RNF157: variants seen among roughly 807,000 people sequenced by gnomAD.
The protein encoded by RNF157 is E3 ubiquitin ligase RNF157.
Under a neutral mutation model 88.3 loss-of-function variants are expected in RNF157, and 55 were observed. That is an observed-to-expected ratio of 0.62 (90% confidence interval 0.50 to 0.78). The LOEUF is 0.78. RNF157 is among the 30% of genes least tolerant of loss of function. The pLI, the probability that RNF157 is intolerant of heterozygous loss-of-function variation, is 0.00. For synonymous variants in RNF157, 334 were observed against 341.2 expected (o/e 0.98, Z 0.23); for missense variants, 788 against 860.8 (o/e 0.92, Z 1.06).
chr17:76,198,088 A>G (rs1185363378), intron 2 of RNF157, among the ~76,000 whole-genome samples: 1 of 152,166 alleles, frequency 6.6e-6, no homozygotes, highest in Non-Finnish European at 1.5e-5. Context: ...CCACCCAACC[A>G]TAATTAGGGC....
At chr17:76,182,567 A>T (rs932485682) in intron 2 of RNF157, among the ~76,000 whole-genome samples, 2 of 151,126 alleles carry the variant, frequency 1.3e-5, no homozygotes, top group Non-Finnish European at 2.9e-5. Context: ...TTTTTGCTGT[A>T]AAAAAATATG....
At chr17:76,204,919 G>C (rs1002883963) in intron 2 of RNF157, among the ~76,000 whole-genome samples, 21 of 151,572 alleles carry the variant, frequency 1.4e-4, no homozygotes, top group African/African-American at 4.6e-4. Flanking sequence ...TGAGTAGCTG[G>C]GATTACAAGC....
intron 3 of RNF157, among the ~76,000 whole-genome samples, chr17:76,171,147 C>T (rs922527331): frequency 2.0e-5 from 3 of 151,810 alleles, no homozygotes; most frequent in African/African-American, 7.3e-5. Flanking sequence ...CCGCCTTGGC[C>T]TCCCAAAGTG....
In RNF157 at chr17:76,240,105, C is replaced by T; in HGVS notation, c.88+48G>A. ...CAGGCCGTCCCGACCCAGACCCCTG[C>T]CCCTGCCCCTCTCCCTCCTCGCGGC... On this transcript the variant is annotated intron_variant, in intron 1 of 18. Transcript: ENST00000269391. This position sits in a 1 kb window ranked among gnomAD's most constrained non-coding sequence, Gnocchi z 4.4. 8.6e-7 allele frequency: 1 copy of T among 1,162,242 alleles called. No homozygotes were observed. Among genetic ancestry groups the T allele is most frequent in the Non-Finnish European group, 1.1e-6 (1 of 913,286 alleles). 72.0% of individuals were successfully genotyped at this position (1,162,242 alleles called of 1,614,324 possible).
intron 2 of RNF157, among the ~76,000 whole-genome samples, chr17:76,210,367 G>A (rs2069763821): frequency 6.6e-6 from 1 of 151,680 alleles, no homozygotes; most frequent in Non-Finnish European, 1.5e-5. Context: ...GCCAAGGTGG[G>A]CGGATCACGA....
intron 1 of RNF157, among the ~76,000 whole-genome samples, chr17:76,232,230 T>C (rs1350580546): frequency 3.3e-5 from 5 of 151,946 alleles, no homozygotes; most frequent in African/African-American, 1.2e-4. Flanking sequence ...AAAACATAAA[T>C]TTAAAAAATT....
chr17:76,166,960 C>CA, intron 5 of RNF157, 49 bp downstream of exon 5: 1 of 1,348,286 alleles, frequency 7.4e-7, no homozygotes, highest in East Asian at 2.3e-5. Flanking sequence ...TAAGTAGCCC[C>CA]TAGGCCCTTC....
intron 17 of RNF157, 144 bp downstream of exon 17, chr17:76,154,139 A>G (rs2068724618): frequency 4.3e-6 from 3 of 698,984 alleles, no homozygotes; most frequent in Non-Finnish European, 7.7e-6. Flanking sequence ...TTGATGTACC[A>G]TTAAGAAGAC....
intron 1 of RNF157, chr17:76,225,807 G>A: frequency 6.3e-7 from 1 of 1,579,682 alleles, no homozygotes; most frequent in South Asian, 1.2e-5. Flanking sequence ...AAATCTTTCA[G>A]GTACTGGATC....
At position 76,157,037 on chromosome 17, in the gene RNF157, G is replaced by A. The variant is rs570169339; in HGVS notation, c.1414-716C>T. Among the ~76,000 whole-genome samples, 12 of 151,844 alleles carry A rather than the reference G, an allele frequency of 7.9e-5. No individual in the cohort carries two copies. In the East Asian group the frequency reaches 2.3e-3, roughly 29 times the overall value. Reference sequence around the variant, plus strand: ...GCTGGAGTGCAGTGGTGCGGTCTTGGCTCACTGCAACCCCTGCCTCCTGGG... The same window carrying A: ...GCTGGAGTGCAGTGGTGCGGTCTTGACTCACTGCAACCCCTGCCTCCTGGG... On this transcript the variant is annotated intron_variant, in intron 13 of 18. Coordinates refer to ENST00000269391, the MANE Select transcript of RNF157 (RefSeq NM_052916.3). This position sits in a 1 kb window ranked among gnomAD's most constrained non-coding sequence, Gnocchi z 5.6.
chr17:76,230,257 G>C (rs565154142), intron 1 of RNF157, among the ~76,000 whole-genome samples: 1 of 152,104 alleles, frequency 6.6e-6, no homozygotes, highest in Non-Finnish European at 1.5e-5. Context: ...TAATTTCCCC[G>C]GATCTTGAGG....
intron 1 of RNF157, among the ~76,000 whole-genome samples, chr17:76,222,944 G>A (rs1175090478): frequency 6.6e-6 from 1 of 151,600 alleles, no homozygotes; most frequent in Non-Finnish European, 1.5e-5. Context: ...AGGTTGGAGT[G>A]CAGAGGCCCG....
At position 76,146,604 on chromosome 17, in the gene RNF157, C is replaced by T. The variant is rs934189154; in HGVS notation, c.1922-1251G>A. ...CTCCCAGTGGCCTCCCCTCACGAGG[C>T]ATCTCTGGCCGGGGGAGGCCCAGTG... On this transcript the variant is annotated intron_variant, in intron 18 of 18. Transcript: ENST00000269391. This position sits in a 1 kb window ranked among gnomAD's most constrained non-coding sequence, Gnocchi z 4.2. The T allele has an allele frequency of 1.0e-6, 1 of 985,478 alleles. No homozygotes were observed. The highest frequency in any genetic ancestry group is 1.2e-6 in the Non-Finnish European group (1 of 829,938). The allele number at this position is 985,478 out of a possible 1,614,324, so 61.0% of individuals were successfully genotyped here.
intron 2 of RNF157, among the ~76,000 whole-genome samples, chr17:76,202,126 T>TCTCA (rs1555659348): frequency 7.3e-6 from 1 of 137,716 alleles, no homozygotes; most frequent in Non-Finnish European, 1.5e-5. Flanking sequence ...TCTCTCTCTC[T>TCTCA]CTCACACACA....
intron 2 of RNF157, among the ~76,000 whole-genome samples, chr17:76,184,009 G>A (rs770846195): frequency 2.6e-5 from 4 of 152,014 alleles, no homozygotes; most frequent in Non-Finnish European, 5.9e-5. Flanking sequence ...GGCCAGCATG[G>A]TGAAACCCCG....
intron 1 of RNF157, among the ~76,000 whole-genome samples, chr17:76,216,583 T>C (rs2069892584): frequency 6.6e-6 from 1 of 151,000 alleles, no homozygotes; most frequent in South Asian, 2.1e-4. Context: ...TCTGTCTCTG[T>C]ATATTTAAAA....
At chr17:76,190,459 G>A (rs1335702556) in intron 2 of RNF157, among the ~76,000 whole-genome samples, 1 of 151,992 alleles carries the variant, frequency 6.6e-6, no homozygotes, top group East Asian at 1.9e-4. Flanking sequence ...GAGCCACTGT[G>A]CTTGGCCATT....
At chr17:76,181,944 T>A (rs1436981406) in intron 2 of RNF157, among the ~76,000 whole-genome samples, 4 of 150,872 alleles carry the variant, frequency 2.7e-5, no homozygotes, top group South Asian at 2.1e-4. Flanking sequence ...AAATAAATAA[T>A]TTTCAAAAAA....
intron 18 of RNF157, among the ~76,000 whole-genome samples, chr17:76,147,999 T>C (rs1158330049): frequency 1.3e-5 from 2 of 152,130 alleles, no homozygotes; most frequent in Admixed American, 6.5e-5. Context: ...TTATTAAATA[T>C]AAGGACTGTA....
Sources: gnomAD v4.1 joint callset for allele counts (sites outside exome capture counted in the v4.1 genomes callset) on GRCh38, gnomAD v4.1.1 for gene constraint, Gnocchi (gnomAD v3.1) non-coding constraint, MANE v1.5 for transcripts, NCBI Gene and HGNC (gene_info 2026-07-23, HGNC 2026-07-21) for gene names.